MOB3B: variants seen among roughly 807,000 people sequenced by gnomAD.
MOB3B encodes MOB kinase activator 3B.
In MOB3B, 7 loss-of-function variants were observed where a neutral mutation model predicts 18.7. That is an observed-to-expected ratio of 0.37 (90% CI 0.21 to 0.70). The LOEUF is 0.70. Ranked by LOEUF, MOB3B falls within the 30% of genes least tolerant of loss-of-function variation. MOB3B has a pLI of 0.52. For missense variants in MOB3B, 253 were observed against 281.3 expected (o/e 0.90, Z 0.72); for synonymous variants, 111 against 99.9 (o/e 1.11, Z -0.66).
At chr9:27,430,878 C>A (rs891206483) in intron 2 of MOB3B, among the ~76,000 whole-genome samples, 2 of 151,400 alleles carry the variant, frequency 1.3e-5, no homozygotes, top group African/African-American at 2.4e-5. Flanking sequence ...ATCATTAACC[C>A]CATGGGATTC....
chr9:27,425,009 A>G (rs900265582), intron 2 of MOB3B, among the ~76,000 whole-genome samples: 21 of 152,172 alleles, frequency 1.4e-4, no homozygotes, highest in African/African-American at 4.8e-4. Context: ...TCCACCACCC[A>G]TAATTTATTG....
intron 2 of MOB3B, among the ~76,000 whole-genome samples, chr9:27,382,326 C>G (rs1027899566): frequency 6.6e-6 from 1 of 152,198 alleles, no homozygotes; most frequent in Non-Finnish European, 1.5e-5. Context: ...CAGATCGATT[C>G]TCTTTCTACA....
intron 3 of MOB3B, among the ~76,000 whole-genome samples, chr9:27,344,804 G>A (rs7852810): frequency 0.12 from 17,761 of 152,276 alleles, 2,709 homozygotes; most frequent in African/African-American, 0.35. Context: ...TGGATGTGCT[G>A]TGAGCACTCT....
At chr9:27,420,036 C>T (rs925452663) in intron 2 of MOB3B, among the ~76,000 whole-genome samples, 3 of 151,812 alleles carry the variant, frequency 2.0e-5, no homozygotes, top group African/African-American at 7.3e-5. Context: ...CACAAATGGC[C>T]AACAAACATG....
At chr9:27,393,273 AG>A (rs1821753529) in intron 2 of MOB3B, among the ~76,000 whole-genome samples, 1 of 152,188 alleles carries the variant, frequency 6.6e-6, no homozygotes, top group Non-Finnish European at 1.5e-5. Flanking sequence ...AAGTAAATAT[AG>A]GCCAGGTGAT....
intron 2 of MOB3B, among the ~76,000 whole-genome samples, chr9:27,452,161 C>CT (rs1193302352): frequency 6.6e-6 from 1 of 152,172 alleles, no homozygotes; most frequent in African/African-American, 2.4e-5. Flanking sequence ...TGTGCTGGGC[C>CT]TTTATAAAGA....
chr9:27,480,909 T>C (rs890988894), intron 1 of MOB3B, among the ~76,000 whole-genome samples: 1 of 151,772 alleles, frequency 6.6e-6, no homozygotes, highest in African/African-American at 2.4e-5. Flanking sequence ...AAGCACTGAC[T>C]CTATAAAAGA....
chr9:27,445,800 T>G (rs1457883880), intron 2 of MOB3B, among the ~76,000 whole-genome samples: 2 of 152,206 alleles, frequency 1.3e-5, no homozygotes, highest in East Asian at 3.9e-4. Flanking sequence ...ATTAGGGTAA[T>G]CTTCAGCTGC....
At position 27,330,596 on chromosome 9, in the gene MOB3B, C is replaced by G. The variant is rs779837127; in HGVS notation, c.642G>C (p.Met214Ile). Residue 214 changes from methionine to isoleucine, a missense_variant, in exon 4 of 4, where the codon ATG becomes ATC. Met to Ile is a conservative substitution (Grantham distance 10). Coordinates refer to ENST00000262244, the MANE Select transcript of MOB3B (RefSeq NM_024761.5). ...AGGGTGAGGTGGAGCATTAGTGACA[C>G]ATCCTGCTCGTCATTTCTTTCTGGA... ...LEPLKEMTSR[M>I]CH 2 of 1,613,972 alleles carry G rather than the reference C, an allele frequency of 1.2e-6. No homozygotes were observed. The highest frequency in any genetic ancestry group is 2.2e-5 in the South Asian group (2 of 91,014).
chr9:27,487,328 A>G (rs1163154618), intron 1 of MOB3B, among the ~76,000 whole-genome samples: 5 of 152,066 alleles, frequency 3.3e-5, no homozygotes, highest in African/African-American at 4.8e-5. Context: ...GTAAAGACAG[A>G]GAACATCCCC....
At chr9:27,332,218 C>G (rs1226191843) in intron 3 of MOB3B, among the ~76,000 whole-genome samples, 1 of 152,142 alleles carries the variant, frequency 6.6e-6, no homozygotes, top group African/African-American at 2.4e-5. Flanking sequence ...GTCTCAGACT[C>G]CTGAGCTCAA....
At chr9:27,470,853 A>C (rs1886591) in intron 1 of MOB3B, among the ~76,000 whole-genome samples, 151,209 of 152,324 alleles carry the variant, frequency 0.99, 75,056 homozygotes, top group East Asian at 1. Context: ...ACTTGTTCTT[A>C]TTGAGTTCTA....
intron 1 of MOB3B, among the ~76,000 whole-genome samples, chr9:27,513,096 C>T (rs1820170966): frequency 6.6e-6 from 1 of 152,190 alleles, no homozygotes; most frequent in Non-Finnish European, 1.5e-5. Flanking sequence ...AGATTATTTA[C>T]TGATTACCAA....
chr9:27,357,144 A>ATATATATGTG (rs1486801059), intron 3 of MOB3B, among the ~76,000 whole-genome samples: 1 of 80,972 alleles, frequency 1.2e-5, no homozygotes, highest in African/African-American at 4.2e-5. Context: ...ATATATATAT[A>ATATATATGTG]TGTGTTTTTT....
intron 1 of MOB3B, among the ~76,000 whole-genome samples, chr9:27,483,424 G>A (rs149056272): frequency 2.2e-3 from 334 of 152,140 alleles, no homozygotes; most frequent in African/African-American, 7.7e-3. Context: ...GAGCCACCGC[G>A]CCCGGCCAAT....
intron 2 of MOB3B, among the ~76,000 whole-genome samples, chr9:27,412,745 G>T (rs1391649840): frequency 6.6e-6 from 1 of 152,230 alleles, no homozygotes; most frequent in African/African-American, 2.4e-5. Flanking sequence ...GGCGACTCCA[G>T]CCTGCTTTGA....
In MOB3B at chr9:27,455,207, G is replaced by A. The variant is rs750549062; in HGVS notation, c.344C>T (p.Pro115Leu). ...KYKKPTALPA[P>L]QYMNLLMDWI... The stretch of plus-strand genomic sequence containing the variant: ...ATCCATAAGAAGGTTCATGTACTGG[G>A]GAGCTGGCAGCGCTGTTGGCTTCTT... The change falls in exon 2 of 4, where the codon CCC (proline) becomes CTC (leucine). Residue 115 changes from proline (P) to leucine (L), a missense_variant. Physicochemically the swap from Pro to Leu is moderately conservative, Grantham distance 98. Coordinates refer to ENST00000262244, the MANE Select transcript of MOB3B (RefSeq NM_024761.5). The A allele has an allele frequency of 9.9e-6, 16 of 1,614,114 alleles. No individual in the cohort carries two copies. The highest frequency in any genetic ancestry group is 1.6e-4 in the Middle Eastern group (1 of 6,062).
chr9:27,429,359 T>A (rs1428393514), intron 2 of MOB3B, among the ~76,000 whole-genome samples: 1 of 152,154 alleles, frequency 6.6e-6, no homozygotes, highest in Non-Finnish European at 1.5e-5. Context: ...GGAGGTAGTA[T>A]ATGCAGAATG....
intron 2 of MOB3B, among the ~76,000 whole-genome samples, chr9:27,401,403 C>G (rs1030752076): frequency 2.6e-5 from 4 of 152,186 alleles, no homozygotes; most frequent in Non-Finnish European, 4.4e-5. Flanking sequence ...ACATACAAGT[C>G]ACGTGACTGT....
Sources: gnomAD v4.1 joint callset for allele counts (sites outside exome capture counted in the v4.1 genomes callset) on GRCh38, gnomAD v4.1.1 for gene constraint, MANE v1.5 for transcripts, NCBI Gene and HGNC (gene_info 2026-07-23, HGNC 2026-07-21) for gene names.